Variants in ABHD2 observed in about 807,000 individuals in gnomAD.
The protein encoded by ABHD2 is abhydrolase domain containing 2, acylglycerol lipase, also known as monoacylglycerol lipase ABHD2.
In ABHD2, 20 loss-of-function variants were observed where a neutral mutation model predicts 48.1. The observed-to-expected ratio is 0.42, with a 90% CI of 0.29 to 0.60. The LOEUF is 0.60. Among genes scored for constraint, ABHD2 ranks in the 20% least tolerant of loss-of-function variants. The pLI is 0.24. For missense variants in ABHD2, 405 were observed against 550.9 expected (o/e 0.74, Z 2.65); for synonymous variants, 209 against 214.2 (o/e 0.98, Z 0.21).
At chr15:89,161,439 T>G (rs1479034301) in intron 5 of ABHD2, among the ~76,000 whole-genome samples, 1 of 152,182 alleles carries the variant, frequency 6.6e-6, no homozygotes, top group Non-Finnish European at 1.5e-5. Context: ...CTCACTCTGT[T>G]GCCGAGGCTG....
chr15:89,063,775 C>T, the ABHD2 span, among the ~76,000 whole-genome samples: 2 of 152,144 alleles, frequency 1.3e-5, no homozygotes, highest in Admixed American at 1.3e-4. Context: ...AAACTCTGTA[C>T]CCATCAAGTC....
rs1015707039 is a variant in ABHD2, at chr15:89,164,843, A to G, written c.538+9309A>G. ...AGAGTCCAGCAAATACCAGTAAACA[A>G]TAACGATTATCATCTTCATTGGCCC... is the stretch of plus-strand genomic sequence containing the variant. On this transcript the variant is annotated intron_variant, in intron 5 of 10. Coordinates refer to ENST00000352732, the MANE Select transcript of ABHD2 (RefSeq NM_152924.5). The surrounding 1 kb of genome is among the most constrained non-coding windows in gnomAD (Gnocchi z 5.0). Among the ~76,000 whole-genome samples the G allele has an allele frequency of 7.2e-5, 11 of 152,168 alleles. No individual in the cohort carries two copies. Among genetic ancestry groups the G allele is most frequent in the African/African-American group, 2.7e-4 (11 of 41,452 alleles).
At chr15:89,159,918 G>A (rs1314748171) in intron 5 of ABHD2, among the ~76,000 whole-genome samples, 2 of 152,142 alleles carry the variant, frequency 1.3e-5, no homozygotes. Flanking sequence ...TTTTTTGTGT[G>A]TATCAGTACA....
chr15:89,089,393 T>G (rs1042438865), intron 1 of ABHD2, among the ~76,000 whole-genome samples: 6 of 152,230 alleles, frequency 3.9e-5, no homozygotes, highest in African/African-American at 1.4e-4. Context: ...CCATAATGAA[T>G]TTTGAGGTTT....
chr15:89,042,080 TACTTCTAA>T, the ABHD2 span, among the ~76,000 whole-genome samples: 2 of 152,320 alleles, frequency 1.3e-5, no homozygotes, highest in East Asian at 1.9e-4. Context: ...AAGCCCTTTA[TACTTCTAA>T]ACTTCTAAAC....
At chr15:89,068,294 G>A in the ABHD2 span, among the ~76,000 whole-genome samples, 5 of 152,048 alleles carry the variant, frequency 3.3e-5, no homozygotes, top group South Asian at 8.3e-4. Flanking sequence ...CCTAATGTAA[G>A]TAGCACAAAA....
chr15:89,050,474 C>G, the ABHD2 span, among the ~76,000 whole-genome samples: 1 of 152,196 alleles, frequency 6.6e-6, no homozygotes, highest in African/African-American at 2.4e-5. Flanking sequence ...TAAGTTCCCC[C>G]CAGTTTAGCA....
chr15:89,052,546 G>GACACACAC, the ABHD2 span, among the ~76,000 whole-genome samples: 7 of 137,068 alleles, frequency 5.1e-5, no homozygotes, highest in Admixed American at 7.2e-5. Context: ...CAGACAGACA[G>GACACACAC]ACAGACAGAC....
At position 89,184,650 on chromosome 15, in the gene ABHD2, T is replaced by A. The variant is rs1224986168; in HGVS notation, c.723-774T>A. ...TGGGGAAGCACATGGCCAGGGCTGG[T>A]GGTGCTGTCTCCTCCCTCTGCATGT... On this transcript the variant is annotated intron_variant, in intron 6 of 10. Coordinates refer to ENST00000352732, the MANE Select transcript of ABHD2 (RefSeq NM_152924.5). The surrounding 1 kb of genome is among the most constrained non-coding windows in gnomAD (Gnocchi z 5.1). 6.6e-6 allele frequency among the ~76,000 whole-genome samples: 1 copy of A among 152,150 alleles called. No homozygotes were observed. Among genetic ancestry groups the A allele is most frequent in the Non-Finnish European group, 1.5e-5 (1 of 68,032 alleles).
chr15:89,054,108 G>T, the ABHD2 span, among the ~76,000 whole-genome samples: 6 of 152,164 alleles, frequency 3.9e-5, no homozygotes, highest in Non-Finnish European at 7.4e-5. Flanking sequence ...GGTCACCTGA[G>T]GTCAGGAGTT....
chr15:89,142,617 T>C (rs1237464215), intron 3 of ABHD2, among the ~76,000 whole-genome samples: 1 of 152,300 alleles, frequency 6.6e-6, no homozygotes, highest in East Asian at 1.9e-4. Context: ...TCTTGCCTTG[T>C]TAAGGAGGAG....
In ABHD2 at chr15:89,168,517, C is replaced by T. The variant is rs2150916481; in HGVS notation, c.539-7295C>T. On this transcript the variant is annotated intron_variant, in intron 5 of 10. Coordinates refer to ENST00000352732, the MANE Select transcript of ABHD2 (RefSeq NM_152924.5). This position sits in a 1 kb window ranked among gnomAD's most constrained non-coding sequence, Gnocchi z 4.8. ...TGGAGCTGGGCACCATGTCTTTGCC[C>T]TTCCCTTGCATGGGAGAGGTGGCAT... Among the ~76,000 whole-genome samples, 1 of 152,322 alleles carries T rather than the reference C, an allele frequency of 6.6e-6. No homozygotes were observed. Among genetic ancestry groups the T allele is most frequent in the East Asian group, 1.9e-4 (1 of 5,180 alleles).
rs941188103 is a variant in ABHD2, at chr15:89,165,293, GTTTTTT to G, written c.538+9766_538+9771del. On this transcript the variant is annotated intron_variant, in intron 5 of 10. Coordinates refer to ENST00000352732, the MANE Select transcript of ABHD2 (RefSeq NM_152924.5). Reference sequence around the variant, plus strand: ...GCTACATTTTAACCTTCTAAAAAATGTTTTTTTTTTTTAAAAAAATTCCTCACACTT... The same window carrying G: ...GCTACATTTTAACCTTCTAAAAAATGTTTTTTAAAAAAATTCCTCACACTT... Among the ~76,000 whole-genome samples, 472 of 146,084 alleles carry G rather than the reference GTTTTTT, an allele frequency of 3.2e-3. 2 individuals carry two copies. Among genetic ancestry groups the G allele is most frequent in the African/African-American group, 0.011 (447 of 39,960 alleles).
the ABHD2 span, among the ~76,000 whole-genome samples, chr15:89,064,823 G>A: frequency 6.6e-6 from 1 of 152,120 alleles, no homozygotes; most frequent in African/African-American, 2.4e-5. Context: ...AGCATATAAT[G>A]TATATGTTAA....
At chr15:89,121,135 T>C (rs1422780798) in intron 3 of ABHD2, among the ~76,000 whole-genome samples, 1 of 152,234 alleles carries the variant, frequency 6.6e-6, no homozygotes, top group Non-Finnish European at 1.5e-5. Flanking sequence ...TGAATTGAAA[T>C]TTGAACTAGG....
At chr15:89,049,731 C>A in the ABHD2 span, among the ~76,000 whole-genome samples, 1 of 152,234 alleles carries the variant, frequency 6.6e-6, no homozygotes, top group African/African-American at 2.4e-5. Flanking sequence ...TAAGGCAATG[C>A]CTCGCCCTGC....
chr15:89,155,167 A>C lies in ABHD2; in HGVS notation c.371-200A>C, dbSNP rs79773927. Among the ~76,000 whole-genome samples, 754 of 152,338 alleles carry C rather than the reference A, an allele frequency of 4.9e-3. 7 individuals carry two copies. The highest frequency in any genetic ancestry group is 0.017 in the African/African-American group (712 of 41,580). ...ATGACTTACTGGACATTTTCAAAAC[A>C]AACCCTTCACTATAAATAGCTTGAG... On this transcript the variant is annotated intron_variant, in intron 4 of 10. Coordinates refer to ENST00000352732, the MANE Select transcript of ABHD2 (RefSeq NM_152924.5). This position sits in a 1 kb window ranked among gnomAD's most constrained non-coding sequence, Gnocchi z 4.9.
rs1294037172 is a variant in ABHD2 at position 89,198,673 on chromosome 15, C to T, written c.*3250C>T. On this transcript the variant is annotated 3_prime_UTR_variant, in exon 11 of 11. Transcript: ENST00000352732. The surrounding 1 kb of genome is among the most constrained non-coding windows in gnomAD (Gnocchi z 5.1). ...CACCTCACCTCTCTGAGCCTGTTCCCTCCTCTTAGACCATCTCTAAGACCA... is the reference window on the plus strand; with the variant it reads ...CACCTCACCTCTCTGAGCCTGTTCCTTCCTCTTAGACCATCTCTAAGACCA... 1 of 152,216 alleles carries T rather than the reference C, an allele frequency of 6.6e-6. No individual in the cohort carries two copies. The highest frequency in any genetic ancestry group is 1.5e-5 in the Non-Finnish European group (1 of 68,052). The allele number at this position is 152,216 out of a possible 1,614,324, so 9.4% of individuals were successfully genotyped here.
Position 89,173,579 on chromosome 15 carries a change from AAACG to A in ABHD2, c.539-2229_539-2226del, listed in dbSNP as rs1026526196. On this transcript the variant is annotated intron_variant, in intron 5 of 10. Coordinates refer to ENST00000352732, the MANE Select transcript of ABHD2 (RefSeq NM_152924.5). The surrounding 1 kb of genome is among the most constrained non-coding windows in gnomAD (Gnocchi z 6.5). ...CAGAGCGAGACTCTGTCTCAAAAAC[AAACG>A]AACAAAAAGAAACTTGAATGAATCT... Among the ~76,000 whole-genome samples, 68 of 152,328 alleles carry A rather than the reference AAACG, an allele frequency of 4.5e-4. No individual in the cohort carries two copies. The highest frequency in any genetic ancestry group is 1.3e-3 in the African/African-American group (56 of 41,560).
Sources: allele counts gnomAD v4.1 joint callset (sites outside exome capture counted in the v4.1 genomes callset), GRCh38; gene constraint gnomAD v4.1.1; non-coding constraint Gnocchi (gnomAD v3.1); transcripts MANE v1.5; gene names NCBI Gene and HGNC (gene_info 2026-07-23, HGNC 2026-07-21).